The following EIPR1 variants were observed in gnomAD, a reference collection of about 807,000 sequenced individuals.
EIPR1 encodes EARP and GARP complex-interacting protein 1.
In EIPR1, 25 loss-of-function variants were observed where a neutral mutation model predicts 48.1. The ratio of observed to expected loss-of-function variants is 0.52; its 90% CI spans 0.38 to 0.73. The LOEUF (loss-of-function observed/expected upper bound fraction) is 0.73. Among genes scored for constraint, EIPR1 ranks in the 30% least tolerant of loss-of-function variants. The pLI is 0.00. For synonymous variants in EIPR1, 204 were observed against 201.9 expected, an observed-to-expected ratio of 1.01 and a Z score of -0.09; for missense variants, 415 against 506.2, an observed-to-expected ratio of 0.82 and a Z score of 1.73.
At chr2:3,233,953 G>A (rs959846217) in intron 4 of EIPR1, among the ~76,000 whole-genome samples, 1 of 152,190 alleles carries the variant, frequency 6.6e-6, no homozygotes, top group African/African-American at 2.4e-5. Context: ...TTTCAGTTTT[G>A]TGGGCCAGGT....
intron 1 of EIPR1, among the ~76,000 whole-genome samples, chr2:3,361,426 C>G (rs1490095288): frequency 6.6e-6 from 1 of 152,098 alleles, no homozygotes; most frequent in Non-Finnish European, 1.5e-5. Context: ...TCACCTCTCT[C>G]TCTTCTCTGG....
At chr2:3,351,163 G>C (rs1165993477) in intron 2 of EIPR1, among the ~76,000 whole-genome samples, 1 of 152,008 alleles carries the variant, frequency 6.6e-6, no homozygotes, top group Non-Finnish European at 1.5e-5. Flanking sequence ...ACCACACCCA[G>C]CTAATTTTTG....
chr2:3,368,670 G>C (rs1398501893), intron 1 of EIPR1, among the ~76,000 whole-genome samples: 2 of 152,176 alleles, frequency 1.3e-5, no homozygotes, highest in Non-Finnish European at 2.9e-5. Flanking sequence ...CATACTGTTT[G>C]TATGCACTTT....
At chr2:3,222,939 G>A (rs1030311176) in intron 4 of EIPR1, among the ~76,000 whole-genome samples, 6 of 152,218 alleles carry the variant, frequency 3.9e-5, no homozygotes, top group Admixed American at 1.3e-4. Context: ...AACCAATCAC[G>A]GTTTTGTGTG....
intron 2 of EIPR1, among the ~76,000 whole-genome samples, chr2:3,352,052 A>G (rs1670593333): frequency 6.9e-6 from 1 of 144,010 alleles, no homozygotes; most frequent in African/African-American, 2.6e-5. Flanking sequence ...TGATCAGCAT[A>G]TCCATGCTAC....
At chr2:3,330,561 A>G (rs1669854843) in intron 3 of EIPR1, among the ~76,000 whole-genome samples, 1 of 104,694 alleles carries the variant, frequency 9.6e-6, no homozygotes, top group African/African-American at 3.0e-5. Context: ...AGAGGTAGGA[A>G]TGCGCACACT....
At chr2:3,330,020 C>T (rs1669838155) in intron 3 of EIPR1, among the ~76,000 whole-genome samples, 1 of 151,928 alleles carries the variant, frequency 6.6e-6, no homozygotes, top group African/African-American at 2.4e-5. Context: ...ATGACAGTTC[C>T]ATGACCATTC....
At chr2:3,349,661 C>CA (rs1194735981) in intron 2 of EIPR1, among the ~76,000 whole-genome samples, 1 of 146,260 alleles carries the variant, frequency 6.8e-6, no homozygotes, top group Non-Finnish European at 1.5e-5. Context: ...GGACAGGGAG[C>CA]ATGCTGGGAG....
chr2:3,244,959 C>A (rs978875986), intron 4 of EIPR1, among the ~76,000 whole-genome samples: 1 of 152,140 alleles, frequency 6.6e-6, no homozygotes, highest in Non-Finnish European at 1.5e-5. Flanking sequence ...ATAGGAATTT[C>A]TCTTGCAATA....
intron 3 of EIPR1, chr2:3,319,406 A>T (rs894121188): frequency 2.8e-4 from 52 of 184,346 alleles, no homozygotes; most frequent in African/African-American, 1.2e-3. Context: ...TGCCTGGCAC[A>T]TGAGCACTCG....
At chr2:3,254,503 C>T (rs534717144) in intron 4 of EIPR1, among the ~76,000 whole-genome samples, 161 of 152,312 alleles carry the variant, frequency 1.1e-3, no homozygotes, top group Non-Finnish European at 1.9e-3. Flanking sequence ...CAAAGAGGAA[C>T]CAGCCACTGA....
At chr2:3,263,357 G>GAGGGGCT (rs1264434314) in intron 3 of EIPR1, among the ~76,000 whole-genome samples, 1 of 152,186 alleles carries the variant, frequency 6.6e-6, no homozygotes, top group Non-Finnish European at 1.5e-5. Context: ...GTGGCAAGGT[G>GAGGGGCT]ATGCCTGGAG....
rs989846696 is a variant in EIPR1 at position 3,262,884 on chromosome 2, T to C, written c.260-5429A>G. Among the ~76,000 whole-genome samples, 14 of 151,996 alleles carry C rather than the reference T, an allele frequency of 9.2e-5. No homozygotes were observed. The South Asian group carries it at 1.2e-3, about 14-fold the overall frequency. ...GCACAGGGTCGGGCAGGGCCAGCAGTGATTGACTACAAAGTAGAGACGGTG... is the reference window on the plus strand; with the variant it reads ...GCACAGGGTCGGGCAGGGCCAGCAGCGATTGACTACAAAGTAGAGACGGTG... On this transcript the variant is annotated intron_variant, in intron 3 of 8. Coordinates refer to ENST00000382125, the MANE Select transcript of EIPR1 (RefSeq NM_003310.5).
rs1307792464 is a variant in EIPR1, at chr2:3,243,493, T to C, written c.416+13806A>G. Among the ~76,000 whole-genome samples the C allele has an allele frequency of 3.9e-5, 6 of 152,124 alleles. No individual in the cohort carries two copies. In the East Asian group the frequency reaches 1.2e-3, roughly 29 times the overall value. On this transcript the variant is annotated intron_variant, in intron 4 of 8. Coordinates refer to ENST00000382125, the MANE Select transcript of EIPR1 (RefSeq NM_003310.5). ...AAAAAATACAAAAATTAGCTGAGTG[T>C]GATGGCCCACGCCTGTAGTCCCAGC...
At chr2:3,271,164 T>C (rs2103245540) in intron 3 of EIPR1, among the ~76,000 whole-genome samples, 1 of 152,356 alleles carries the variant, frequency 6.6e-6, no homozygotes, top group Non-Finnish European at 1.5e-5. Flanking sequence ...CCACTTCTAA[T>C]TCAAGTTCTC....
chr2:3,319,803 GCGGGCAACACCGCAC>G, intron 3 of EIPR1: 1 of 150,712 alleles, frequency 6.6e-6, no homozygotes, highest in African/African-American at 3.0e-5. Context: ...CACCACCCCT[GCGGGCAACACCGCAC>G]CTGCAGGCAG....
intron 5 of EIPR1, among the ~76,000 whole-genome samples, chr2:3,210,082 G>A (rs982141381): frequency 5.3e-5 from 8 of 151,996 alleles, no homozygotes; most frequent in Non-Finnish European, 1.0e-4. Context: ...AAGGTCCCAC[G>A]CCAGCAGGGG....
chr2:3,269,370 ATCATCGCACTCAG>A lies in EIPR1; in HGVS notation c.260-11928_260-11916del, dbSNP rs1347648606. On this transcript the variant is annotated intron_variant, in intron 3 of 8. Coordinates refer to ENST00000382125, the MANE Select transcript of EIPR1 (RefSeq NM_003310.5). ...TCATCGCACTCAGTCATCGCACTCA[ATCATCGCACTCAG>A]TCATCGCACTCAGTCATCGCACTCA... is the stretch of plus-strand genomic sequence containing the variant. 1.9e-4 allele frequency among the ~76,000 whole-genome samples: 5 copies of A among 26,100 alleles called. 1 individual carries two copies. Among genetic ancestry groups the A allele is most frequent in the African/African-American group, 4.8e-4 (3 of 6,286 alleles). The allele number at this position is 26,100 out of a possible 152,430, so 17.1% of individuals were successfully genotyped here.
intron 3 of EIPR1, among the ~76,000 whole-genome samples, chr2:3,330,368 C>T (rs1203119320): frequency 6.6e-6 from 1 of 152,172 alleles, no homozygotes; most frequent in South Asian, 2.1e-4. Context: ...CACAAAGACA[C>T]AAAAGGGGAC....
Sources: gnomAD v4.1 joint callset for allele counts (sites outside exome capture counted in the v4.1 genomes callset) on GRCh38, gnomAD v4.1.1 for gene constraint, MANE v1.5 for transcripts, NCBI Gene and HGNC (gene_info 2026-07-23, HGNC 2026-07-21) for gene names.